KIF20B: variants seen among roughly 807,000 people sequenced by gnomAD.
KIF20B encodes kinesin-like protein KIF20B.
A neutral mutation model predicts 232.5 loss-of-function variants in KIF20B; 188 were observed. That is an observed-to-expected ratio of 0.81 (90% confidence interval 0.72 to 0.91). KIF20B has a LOEUF of 0.91. Ranked by LOEUF, KIF20B falls within the 40% of genes least tolerant of loss-of-function variation. KIF20B has a pLI of 0.00. For missense variants in KIF20B, 2,154 were observed against 2,055.9 expected (o/e 1.05, Z -0.92); for synonymous variants, 712 against 683.0 (o/e 1.04, Z -0.66).
chr10:89,711,817 A>C (rs1842842558), intron 6 of KIF20B, among the ~76,000 whole-genome samples: 1 of 152,046 alleles, frequency 6.6e-6, no homozygotes, highest in Admixed American at 6.6e-5. Flanking sequence ...TGTTTTTTTA[A>C]ATTTTAAATC....
chr10:89,741,998 G>A (rs61870764), intron 21 of KIF20B, among the ~76,000 whole-genome samples: 6,637 of 152,122 alleles, frequency 0.044, 191 homozygotes, highest in Middle Eastern at 0.082. Flanking sequence ...AAGCCAAAAT[G>A]TTGTTGTAAA....
chr10:89,741,906 G>T (rs1841802418), intron 21 of KIF20B, among the ~76,000 whole-genome samples: 1 of 152,158 alleles, frequency 6.6e-6, no homozygotes, highest in Non-Finnish European at 1.5e-5. Flanking sequence ...TGGTATCAGG[G>T]ACAGTGTTTG....
chr10:89,774,135 ATG>A lies in KIF20B; in HGVS notation c.*88_*89del. On this transcript the variant is annotated 3_prime_UTR_variant, in exon 33 of 33. Transcript: ENST00000371728. Reference sequence around the variant, plus strand: ...TATTGTAAATATAAATGTATATATTATGCATTAAATCACTCTGCATATAGATT... The same window carrying A: ...TATTGTAAATATAAATGTATATATTACATTAAATCACTCTGCATATAGATT... The A allele has an allele frequency of 2.8e-6, 2 of 723,746 alleles. No homozygotes were observed. Among genetic ancestry groups the A allele is most frequent in the Non-Finnish European group, 4.4e-6 (2 of 451,070 alleles). The allele number at this position is 723,746 out of a possible 1,614,324, so 44.8% of individuals were successfully genotyped here.
chr10:89,746,056 C>A, intron 23 of KIF20B, 97 bp downstream of exon 23: 1 of 840,674 alleles, frequency 1.2e-6, no homozygotes, highest in Non-Finnish European at 2.0e-6. Context: ...TGGTGCCCTG[C>A]AGCTCAAACC....
At chr10:89,769,930 T>C (rs992881540) in intron 31 of KIF20B, among the ~76,000 whole-genome samples, 3 of 151,966 alleles carry the variant, frequency 2.0e-5, no homozygotes, top group African/African-American at 7.2e-5. Flanking sequence ...GGCAGTTAAA[T>C]TGAATCAAAT....
At chr10:89,761,956 T>C (rs1842251262) in intron 28 of KIF20B, among the ~76,000 whole-genome samples, 1 of 152,190 alleles carries the variant, frequency 6.6e-6, no homozygotes, top group Non-Finnish European at 1.5e-5. Context: ...GTAATCGATA[T>C]ACTTAACTGG....
chr10:89,706,631 A>ATT (rs78731683), intron 2 of KIF20B, among the ~76,000 whole-genome samples: 10 of 144,998 alleles, frequency 6.9e-5, no homozygotes, highest in East Asian at 5.9e-4. Flanking sequence ...GCTTCCATAC[A>ATT]TTTTTTTTTT....
chr10:89,760,706 T>A, intron 28 of KIF20B, 70 bp downstream of exon 28: 3 of 935,944 alleles, frequency 3.2e-6, no homozygotes, highest in South Asian at 2.8e-5. Context: ...CACGTACAAG[T>A]AAGTTGCTGA....
chr10:89,713,999 C>T, intron 6 of KIF20B, 48 bp from the exon 7 acceptor site: 4 of 922,266 alleles, frequency 4.3e-6, no homozygotes, highest in Non-Finnish European at 4.7e-6. Context: ...GATTATTTAA[C>T]CTTAATGAAA....
intron 29 of KIF20B, chr10:89,766,198 T>TTTCTTTTTA (rs1218802991): frequency 6.6e-6 from 1 of 152,140 alleles, no homozygotes; most frequent in Non-Finnish European, 1.5e-5. Flanking sequence ...GCTTTGTTTG[T>TTTCTTTTTA]TTCTTTTTAT....
intron 26 of KIF20B, among the ~76,000 whole-genome samples, chr10:89,755,379 C>T (rs1292093988): frequency 6.8e-6 from 1 of 147,826 alleles, no homozygotes; most frequent in East Asian, 2.0e-4. Context: ...TCCTTCTTTC[C>T]TTCCTTCCTT....
intron 23 of KIF20B, among the ~76,000 whole-genome samples, chr10:89,746,318 G>A (rs935593824): frequency 1.3e-5 from 2 of 152,194 alleles, no homozygotes; most frequent in African/African-American, 4.8e-5. Flanking sequence ...GATCACACAT[G>A]GGCGTGTAGA....
At position 89,725,062 on chromosome 10, in the gene KIF20B, T is replaced by C; in HGVS notation, c.1905T>C (p.Ala635=). 6.2e-7 allele frequency: 1 copy of C among 1,613,698 alleles called. No individual in the cohort carries two copies. The highest frequency in any genetic ancestry group is 1.3e-5 in the African/African-American group (1 of 75,038). The change falls in exon 15 of 33, where the codon GCT becomes GCC. Residue 635 remains alanine (A), a synonymous_variant. Coordinates refer to ENST00000371728, the MANE Select transcript of KIF20B (RefSeq NM_001284259.2). ...LQEREILEEN[A]ERRLAIFKDL... The stretch of plus-strand genomic sequence containing the variant: ...AACGAGAGATATTAGAAGAAAATGC[T>C]GAACGTCGTTTGGCTATCTTCAAGG...
intron 6 of KIF20B, among the ~76,000 whole-genome samples, chr10:89,713,004 T>C (rs1484462643): frequency 6.6e-6 from 1 of 152,150 alleles, no homozygotes; most frequent in Non-Finnish European, 1.5e-5. Flanking sequence ...TAACAAAATT[T>C]ATGGGGATTG....
At chr10:89,729,107 T>A in intron 17 of KIF20B, 21 bp from the exon 18 acceptor site, 1 of 1,353,124 alleles carries the variant, frequency 7.4e-7, no homozygotes, top group East Asian at 2.8e-5. Flanking sequence ...CATGAAACAT[T>A]GCTTTTTCTT....
intron 19 of KIF20B, among the ~76,000 whole-genome samples, chr10:89,735,348 G>A (rs1021387017): frequency 2.6e-5 from 4 of 151,906 alleles, no homozygotes; most frequent in African/African-American, 9.7e-5. Context: ...TTTATTGTTC[G>A]TGATGAGTGA....
At chr10:89,736,826 A>G (rs1248698714) in intron 19 of KIF20B, among the ~76,000 whole-genome samples, 1 of 152,144 alleles carries the variant, frequency 6.6e-6, no homozygotes, top group East Asian at 1.9e-4. Flanking sequence ...CAGTCGTAGT[A>G]TGAAGCAGTT....
At chr10:89,705,818 G>A (rs1172734700) in intron 2 of KIF20B, among the ~76,000 whole-genome samples, 1 of 152,144 alleles carries the variant, frequency 6.6e-6, no homozygotes, top group Non-Finnish European at 1.5e-5. Context: ...CTCCTGGATT[G>A]GCATGATGTT....
rs1843190338 is a variant in KIF20B at position 89,726,521 on chromosome 10, G to A, written c.2230G>A (p.Glu744Lys). The A allele has an allele frequency of 6.4e-7, 1 of 1,574,536 alleles. No homozygotes were observed. Among genetic ancestry groups the A allele is most frequent in the Non-Finnish European group, 8.6e-7 (1 of 1,157,542 alleles). ...TKEELKKREN[E>K]SDSLIQELET... ...AGAAGAGTTAAAAAAGAGAGAAAATGGTAAGTGGATACATTTTACTTTTAT... is the reference window on the plus strand; with the variant it reads ...AGAAGAGTTAAAAAAGAGAGAAAATAGTAAGTGGATACATTTTACTTTTAT... Residue 744 changes from glutamate to lysine, a missense_variant and splice_region_variant, in exon 16 of 33, where the codon GAA becomes AAA. By Grantham distance (56) the Glu-to-Lys change is moderately conservative. Coordinates refer to ENST00000371728, the MANE Select transcript of KIF20B (RefSeq NM_001284259.2).
Sources: gnomAD v4.1 joint callset for allele counts (sites outside exome capture counted in the v4.1 genomes callset) on GRCh38, gnomAD v4.1.1 for gene constraint, MANE v1.5 for transcripts, NCBI Gene and HGNC (gene_info 2026-07-23, HGNC 2026-07-21) for gene names.